Variants in LUC7L2 observed in about 807,000 individuals in gnomAD.
LUC7L2 encodes putative RNA-binding protein Luc7-like 2.
A neutral mutation model predicts 52.8 loss-of-function variants in LUC7L2; 25 were observed. The ratio of observed to expected loss-of-function variants is 0.47; its 90% confidence interval spans 0.34 to 0.66. The LOEUF (loss-of-function observed/expected upper bound fraction) is 0.66. Ranked by LOEUF, LUC7L2 falls within the 30% of genes least tolerant of loss-of-function variation. LUC7L2 has a pLI of 0.01. For synonymous variants in LUC7L2, 144 were observed against 160.9 expected (o/e 0.89, Z 0.80); for missense variants, 328 against 497.8 (o/e 0.66, Z 3.25).
intron 2 of LUC7L2, among the ~76,000 whole-genome samples, chr7:139,394,040 C>T (rs1585111033): frequency 6.6e-6 from 1 of 152,202 alleles, no homozygotes; most frequent in East Asian, 1.9e-4. Flanking sequence ...CAGAAAGTGA[C>T]AAGCCCAACT....
intron 8 of LUC7L2, 64 bp downstream of exon 8, chr7:139,412,644 A>G: frequency 5.2e-6 from 8 of 1,535,472 alleles, no homozygotes; most frequent in Middle Eastern, 1.8e-4. Context: ...TAGTTTTTAT[A>G]GATTGATTAA....
chr7:139,341,650 T>G, intron 1 of LUC7L2: 2 of 1,445,786 alleles, frequency 1.4e-6, no homozygotes, highest in Non-Finnish European at 9.1e-7. Flanking sequence ...GAGCCCTGGT[T>G]CTGACCAAAC....
intron 4 of LUC7L2, among the ~76,000 whole-genome samples, chr7:139,403,975 T>C (rs1795018752): frequency 6.6e-6 from 1 of 152,194 alleles, no homozygotes; most frequent in Non-Finnish European, 1.5e-5. Flanking sequence ...CAGAGTACGA[T>C]GGTACACAAT....
upstream of LUC7L2, among the ~76,000 whole-genome samples, chr7:139,358,126 G>T (rs1799664740): frequency 6.6e-6 from 1 of 151,998 alleles, no homozygotes; most frequent in Admixed American, 6.6e-5. Flanking sequence ...TCCTGCCTCA[G>T]CCTCCGAGTA....
chr7:139,392,618 A>C (rs1048797232), intron 2 of LUC7L2: 4 of 195,342 alleles, frequency 2.0e-5, no homozygotes, highest in Non-Finnish European at 4.3e-5. Context: ...ATTAAAAACC[A>C]AGAATAAGCT....
chr7:139,351,719 C>T (rs1799463807), intron 1 of LUC7L2, among the ~76,000 whole-genome samples: 1 of 152,222 alleles, frequency 6.6e-6, no homozygotes. Flanking sequence ...GAGCCATGGT[C>T]TTGATTTCAA....
intron 1 of LUC7L2, chr7:139,371,387 C>G: frequency 9.9e-7 from 1 of 1,015,168 alleles, no homozygotes; most frequent in Non-Finnish European, 1.5e-6. Context: ...TTTTGCTTAG[C>G]CTTCACAGTT....
intron 1 of LUC7L2, among the ~76,000 whole-genome samples, chr7:139,353,421 T>A (rs1300267671): frequency 6.6e-6 from 1 of 152,234 alleles, no homozygotes; most frequent in African/African-American, 2.4e-5. Context: ...CTACTTTATA[T>A]TATTTTGTTA....
At chr7:139,396,279 A>C (rs1279844281) in intron 2 of LUC7L2, among the ~76,000 whole-genome samples, 2 of 152,042 alleles carry the variant, frequency 1.3e-5, no homozygotes, top group Non-Finnish European at 2.9e-5. Context: ...TCTACTTAAA[A>C]AAAAAAATTA....
intron 8 of LUC7L2, among the ~76,000 whole-genome samples, chr7:139,414,301 G>A (rs1795493996): frequency 6.6e-6 from 1 of 152,162 alleles, no homozygotes; most frequent in South Asian, 2.1e-4. Context: ...GGTGTGGCCT[G>A]GGGTGTCCAA....
intron 9 of LUC7L2, among the ~76,000 whole-genome samples, chr7:139,419,102 T>C (rs946650679): frequency 6.8e-6 from 1 of 147,822 alleles, no homozygotes; most frequent in African/African-American, 2.5e-5. Flanking sequence ...AGAGCGAGAC[T>C]CCAGCTCTCA....
At chr7:139,388,078 C>T (rs1298709867) in intron 2 of LUC7L2, among the ~76,000 whole-genome samples, 1 of 152,128 alleles carries the variant, frequency 6.6e-6, no homozygotes, top group Non-Finnish European at 1.5e-5. Context: ...ATGTGATTGC[C>T]TTACCCTGTA....
chr7:139,345,631 C>G lies in LUC7L2; in HGVS notation c.-26+5114C>G, dbSNP rs148777611. 3.1e-6 allele frequency: 5 copies of G among 1,613,982 alleles called. No homozygotes were observed. The African/African-American group carries it at 6.7e-5, about 22-fold the overall frequency. The stretch of plus-strand genomic sequence containing the variant: ...GAATTTCATGGCAAGGGTGAGCGCT[C>G]GGTGGAGGAGTCTGCTGGCTTGGTG... On this transcript the variant is annotated intron_variant, in intron 1 of 10. Coordinates refer to the LUC7L2 transcript ENST00000541170.
chr7:139,418,755 G>C (rs1795742303), intron 9 of LUC7L2, among the ~76,000 whole-genome samples: 1 of 152,124 alleles, frequency 6.6e-6, no homozygotes, highest in Non-Finnish European at 1.5e-5. Context: ...ATGTTTTACT[G>C]TACTAGACTT....
chr7:139,401,882 GA>G (rs1794932751), intron 3 of LUC7L2, among the ~76,000 whole-genome samples: 3 of 151,742 alleles, frequency 2.0e-5, no homozygotes, highest in Admixed American at 2.0e-4. Flanking sequence ...AGCCTCCCGA[GA>G]AGCTGAGACT....
At chr7:139,341,935 C>A (rs1370363545) in intron 1 of LUC7L2, among the ~76,000 whole-genome samples, 1 of 152,162 alleles carries the variant, frequency 6.6e-6, no homozygotes, top group Non-Finnish European at 1.5e-5. Flanking sequence ...ATTTCCTCAC[C>A]CGTCCCCTAG....
At chr7:139,340,632 T>G (rs1355176023) in intron 1 of LUC7L2, 1 of 396,642 alleles carries the variant, frequency 2.5e-6, no homozygotes, top group African/African-American at 2.1e-5. Flanking sequence ...AAGGCGAAAA[T>G]GAAGTGACGA....
upstream of LUC7L2, among the ~76,000 whole-genome samples, chr7:139,355,217 T>A (rs1232321765): frequency 6.6e-6 from 1 of 152,084 alleles, no homozygotes; most frequent in Non-Finnish European, 1.5e-5. Flanking sequence ...CAAGAGAAAA[T>A]GAGGCCTTGA....
chr7:139,389,126 C>T (rs1794323101), intron 2 of LUC7L2, among the ~76,000 whole-genome samples: 1 of 151,496 alleles, frequency 6.6e-6, no homozygotes, highest in Non-Finnish European at 1.5e-5. Flanking sequence ...TCTAATTTGA[C>T]CCCAGTGGCT....
Sources: gnomAD v4.1 joint callset for allele counts (sites outside exome capture counted in the v4.1 genomes callset) on GRCh38, gnomAD v4.1.1 for gene constraint, MANE v1.5 for transcripts, NCBI Gene and HGNC (gene_info 2026-07-23, HGNC 2026-07-21) for gene names.